CFTR: variants seen among roughly 807,000 people sequenced by gnomAD.
The protein encoded by CFTR is CF transmembrane conductance regulator, also known as cystic fibrosis transmembrane conductance regulator.
CFTR carries 181 observed loss-of-function variants against 171.6 expected under a neutral mutation model. The ratio of observed to expected loss-of-function variants is 1.05; its 90% CI spans 0.93 to 1.19. The LOEUF is 1.19. Ranked by LOEUF, CFTR falls within the 50% of genes most tolerant of loss-of-function variation. The probability of loss-of-function intolerance (pLI) is 0.00; values close to 1 mark genes in which losing one functional copy is unlikely to be tolerated. For missense variants in CFTR, 1,968 were observed against 1,734.7 expected (o/e 1.13, Z -2.39); for synonymous variants, 583 against 608.0 (o/e 0.96, Z 0.60).
chr7:117,576,501 CAG>C (rs2115988094), intron 11 of CFTR, among the ~76,000 whole-genome samples: 1 of 152,232 alleles, frequency 6.6e-6, no homozygotes, highest in African/African-American at 2.4e-5. Flanking sequence ...TTGGTATCCA[CAG>C]AGAGTCCTGG....
chr7:117,501,777 A>C (rs1798333428), intron 1 of CFTR, among the ~76,000 whole-genome samples: 4 of 135,742 alleles, frequency 2.9e-5, no homozygotes, highest in Admixed American at 7.5e-5. Flanking sequence ...AAAAAGAAAC[A>C]AAAAAAAAAA....
intron 9 of CFTR, among the ~76,000 whole-genome samples, chr7:117,547,172 A>G (rs1013058302): frequency 1.3e-5 from 2 of 152,216 alleles, no homozygotes; most frequent in African/African-American, 4.8e-5. Flanking sequence ...TAAAAGCAGT[A>G]GTTTTCAAGC....
rs1562895009 is a variant in CFTR, at chr7:117,548,706, T to C, written c.1275T>C (p.Asp425=). Residue 425 remains aspartate, a synonymous_variant, in exon 10 of 27, where the codon GAT becomes GAC. Coordinates refer to ENST00000003084, the MANE Select transcript of CFTR (RefSeq NM_000492.4). ...NNNNRKTSNG[D]DSLFFSNFSL... is the part of the protein sequence containing the mutation. Reference sequence around the variant, plus strand: ...ACAATAGAAAAACTTCTAATGGTGATGACAGCCTCTTCTTCAGTAATTTCT... The same window carrying C: ...ACAATAGAAAAACTTCTAATGGTGACGACAGCCTCTTCTTCAGTAATTTCT... 2.5e-6 allele frequency: 4 copies of C among 1,613,498 alleles called. No homozygotes were observed. The highest frequency in any genetic ancestry group is 3.4e-6 in the Non-Finnish European group (4 of 1,179,638).
At chr7:117,611,485 A>G (rs1183192393) in intron 19 of CFTR, 96 bp from the exon 20 acceptor site, 2 of 792,662 alleles carry the variant, frequency 2.5e-6, no homozygotes, top group East Asian at 2.7e-5. Context: ...TTGTGATATG[A>G]TTATTCTAAT....
intron 3 of CFTR, among the ~76,000 whole-genome samples, chr7:117,519,328 A>C (rs2116654981): frequency 6.6e-6 from 1 of 152,204 alleles, no homozygotes. Flanking sequence ...AGCAATTTGT[A>C]TGAGCCCAAA....
chr7:117,493,511 C>T (rs577592947), intron 1 of CFTR, among the ~76,000 whole-genome samples: 5 of 152,042 alleles, frequency 3.3e-5, no homozygotes, highest in South Asian at 2.1e-4. Flanking sequence ...TGTGGGAATG[C>T]GGGATTGTTA....
At chr7:117,612,023 G>GTGTATATA (rs1323046521) in intron 20 of CFTR, among the ~76,000 whole-genome samples, 18 of 53,228 alleles carry the variant, frequency 3.4e-4, no homozygotes, top group Admixed American at 1.6e-3. Context: ...ATATATATAT[G>GTGTATATA]TATATATATA....
chr7:117,509,291 T>G, intron 3 of CFTR, 149 bp downstream of exon 3: 1 of 643,984 alleles, frequency 1.6e-6, no homozygotes, highest in Non-Finnish European at 2.7e-6. Flanking sequence ...AAAACTCTAG[T>G]AAGGATAAGT....
chr7:117,603,752 C>T lies in CFTR; in HGVS notation c.2878C>T (p.Pro960Ser), dbSNP rs185397588. The T allele has an allele frequency of 3.1e-6, 5 of 1,613,984 alleles. No homozygotes were observed. The Admixed American group carries it at 8.3e-5, about 27-fold the overall frequency. The change falls in exon 17 of 27, where the codon CCT becomes TCT. Residue 960 changes from proline to serine, a missense_variant. By Grantham distance (74) the Pro-to-Ser change is moderately conservative. Transcript: ENST00000003084. ...AATGTTACATTCTGTTCTTCAAGCA[C>T]CTATGTCAACCCTCAACACGTTGAA... ...HKMLHSVLQA[P>S]MSTLNTLKAG... is the part of the protein sequence containing the mutation.
rs776618462 is a variant in CFTR, at chr7:117,638,766, T to TA, written c.3718-3670dup. On this transcript the variant is annotated intron_variant, in intron 22 of 26. Transcript: ENST00000003084. ...ATAAATAAATAAATAAATAAATAAA[T>TA]AATAAAAATAAAAAAATAAAATAAA... 3.7e-3 allele frequency among the ~76,000 whole-genome samples: 555 copies of TA among 149,024 alleles called. 4 individuals are homozygous for TA. The highest frequency in any genetic ancestry group is 0.013 in the African/African-American group (509 of 40,126).
In CFTR at chr7:117,627,671, A is replaced by G; in HGVS notation, c.3618A>G (p.Ser1206=). The change falls in exon 22 of 27, where the codon TCA becomes TCG. Residue 1206 remains serine (S), a synonymous_variant. Coordinates refer to ENST00000003084, the MANE Select transcript of CFTR (RefSeq NM_000492.4). ...SHVKKDDIWP[S]GGQMTVKDLT... ...TGAAGAAAGATGACATCTGGCCCTC[A>G]GGGGGCCAAATGACTGTCAAAGATC... 1 of 1,613,148 alleles carries G rather than the reference A, an allele frequency of 6.2e-7. No individual in the cohort carries two copies. Among genetic ancestry groups the G allele is most frequent in the Admixed American group, 1.7e-5 (1 of 59,954 alleles).
chr7:117,514,529 G>A (rs1432463946), intron 3 of CFTR, among the ~76,000 whole-genome samples: 1 of 152,112 alleles, frequency 6.6e-6, no homozygotes, highest in Admixed American at 6.6e-5. Context: ...TGATGTATAT[G>A]TACCACATTT....
intron 11 of CFTR, among the ~76,000 whole-genome samples, chr7:117,566,158 G>A (rs1478545238): frequency 6.6e-6 from 1 of 151,984 alleles, no homozygotes; most frequent in African/African-American, 2.4e-5. Context: ...TTGAGGCCAG[G>A]CGTGGTGTCT....
At chr7:117,653,510 C>T (rs1418046823) in intron 24 of CFTR, among the ~76,000 whole-genome samples, 1 of 152,142 alleles carries the variant, frequency 6.6e-6, no homozygotes, top group African/African-American at 2.4e-5. Context: ...TACAATGGCA[C>T]TAATCCCATC....
chr7:117,649,167 CCAAG>C (rs1391519084), intron 23 of CFTR, among the ~76,000 whole-genome samples: 9 of 151,146 alleles, frequency 6.0e-5, no homozygotes, highest in Admixed American at 5.9e-4. Context: ...CCACCATTTC[CCAAG>C]CAATTATAAA....
chr7:117,533,230 A>G (rs1411661491), intron 4 of CFTR, among the ~76,000 whole-genome samples: 2 of 152,062 alleles, frequency 1.3e-5, no homozygotes, highest in Non-Finnish European at 2.9e-5. Context: ...CCCCCACTTC[A>G]TATTGCTCTG....
intron 17 of CFTR, among the ~76,000 whole-genome samples, chr7:117,606,399 G>A (rs1394411865): frequency 1.3e-5 from 2 of 152,170 alleles, no homozygotes; most frequent in Non-Finnish European, 2.9e-5. Flanking sequence ...ATAATTTATA[G>A]TAAAAGCTAT....
rs751348867 is a variant in CFTR at position 117,536,583 on chromosome 7, T to C, written c.779T>C (p.Val260Ala). 1.2e-6 allele frequency: 2 copies of C among 1,605,144 alleles called. No individual in the cohort carries two copies. The highest frequency in any genetic ancestry group is 2.2e-5 in the East Asian group (1 of 44,734). ...QRAGKISERLVITSEMIENIQ... is the reference protein window; with the variant it reads ...QRAGKISERLAITSEMIENIQ... ...GCTGGGAAGATCAGTGAAAGACTTG[T>C]GATTACCTCAGAAATGATTGAAAAT... The change falls in exon 7 of 27, where the codon GTG (valine) becomes GCG (alanine). Residue 260 changes from valine (V) to alanine (A), a missense_variant. By Grantham distance (64) the Val-to-Ala change is moderately conservative. Coordinates refer to ENST00000003084, the MANE Select transcript of CFTR (RefSeq NM_000492.4).
chr7:117,541,529 T>A (rs1799052095), intron 8 of CFTR, among the ~76,000 whole-genome samples: 1 of 152,188 alleles, frequency 6.6e-6, no homozygotes, highest in Non-Finnish European at 1.5e-5. Flanking sequence ...AGAGCCCTTC[T>A]TTTAGAATCA....
Sources: allele counts gnomAD v4.1 joint callset (sites outside exome capture counted in the v4.1 genomes callset), GRCh38; gene constraint gnomAD v4.1.1; transcripts MANE v1.5; gene names NCBI Gene and HGNC (gene_info 2026-07-23, HGNC 2026-07-21).